The following PSD3 variants were observed in gnomAD, a reference collection of about 807,000 sequenced individuals.
The protein encoded by PSD3 is PH and SEC7 domain-containing protein 3.
PSD3 carries 49 observed loss-of-function variants against 105.5 expected under a neutral mutation model. The ratio of observed to expected loss-of-function variants is 0.46; its 90% CI spans 0.37 to 0.59. The LOEUF is 0.59. Among genes scored for constraint, PSD3 ranks in the 20% least tolerant of loss-of-function variants. The pLI, the probability that PSD3 is intolerant of heterozygous loss-of-function variation, is 0.00. For synonymous variants in PSD3, 557 were observed against 457.8 expected (o/e 1.22, Z -2.77); for missense variants, 1,561 against 1,263.8 (o/e 1.24, Z -3.57).
chr8:18,586,564 T>G (rs1359610760), intron 12 of PSD3, among the ~76,000 whole-genome samples: 2 of 151,924 alleles, frequency 1.3e-5, no homozygotes, highest in Non-Finnish European at 2.9e-5. Context: ...GGGTGGTTTG[T>G]GTATGTGTGT....
At chr8:18,962,136 C>T (rs1271317732) in intron 1 of PSD3, among the ~76,000 whole-genome samples, 1 of 151,940 alleles carries the variant, frequency 6.6e-6, no homozygotes, top group African/African-American at 2.4e-5. Flanking sequence ...ATCCCAGCTA[C>T]TTGGGAGGCT....
chr8:19,063,173 C>A (rs890892624), intron 1 of PSD3, among the ~76,000 whole-genome samples: 1 of 152,220 alleles, frequency 6.6e-6, no homozygotes, highest in African/African-American at 2.4e-5. Context: ...AGAGAAAACA[C>A]TGTAGTTTCT....
At chr8:18,808,856 A>T in intron 4 of PSD3, 1 of 1,604,598 alleles carries the variant, frequency 6.2e-7, no homozygotes, top group Middle Eastern at 1.7e-4. Context: ...TCAGCTCCCA[A>T]GTTCAGTGAC....
chr8:18,914,213 A>C (rs1217951327), intron 2 of PSD3, among the ~76,000 whole-genome samples: 3 of 151,378 alleles, frequency 2.0e-5, no homozygotes, highest in African/African-American at 7.3e-5. Flanking sequence ...AAAAAAAAAA[A>C]CACCTTTCAA....
chr8:19,055,546 C>T (rs748362668), intron 1 of PSD3, among the ~76,000 whole-genome samples: 11 of 152,212 alleles, frequency 7.2e-5, no homozygotes, highest in Non-Finnish European at 1.6e-4. Flanking sequence ...AGCCACCGTG[C>T]CCGGCCGATT....
chr8:18,825,286 G>T (rs1813084310), intron 4 of PSD3, among the ~76,000 whole-genome samples: 1 of 152,182 alleles, frequency 6.6e-6, no homozygotes, highest in South Asian at 2.1e-4. Context: ...TTTTAGAGTT[G>T]TCAGTTGTGA....
intron 8 of PSD3, among the ~76,000 whole-genome samples, chr8:18,797,217 T>C (rs948497903): frequency 9.2e-5 from 14 of 152,044 alleles, no homozygotes; most frequent in African/African-American, 3.1e-4. Flanking sequence ...AAATAGACAA[T>C]CCCAAGTATA....
chr8:18,819,069 C>T (rs990910443), intron 4 of PSD3, among the ~76,000 whole-genome samples: 1 of 51,308 alleles, frequency 1.9e-5, no homozygotes, highest in Non-Finnish European at 6.2e-5. Context: ...GAGAACTTCC[C>T]GGCAAGACTA....
chr8:18,987,527 T>C (rs988501549), intron 1 of PSD3, among the ~76,000 whole-genome samples: 2 of 151,878 alleles, frequency 1.3e-5, no homozygotes, highest in African/African-American at 4.8e-5. Context: ...GACCTCGTGA[T>C]CCACCCGCCT....
chr8:19,051,858 A>G (rs144293520), intron 1 of PSD3, among the ~76,000 whole-genome samples: 202 of 152,364 alleles, frequency 1.3e-3, no homozygotes, highest in Non-Finnish European at 2.0e-3. Context: ...AGTCTACAGG[A>G]GTAAGATCTC....
At chr8:18,656,037 C>T (rs1808867696) in intron 9 of PSD3, among the ~76,000 whole-genome samples, 1 of 152,084 alleles carries the variant, frequency 6.6e-6, no homozygotes, top group African/African-American at 2.4e-5. Context: ...CTCAGTTGGA[C>T]AGTGGAGTAC....
intron 2 of PSD3, among the ~76,000 whole-genome samples, chr8:18,919,735 T>C (rs566661114): frequency 3.2e-4 from 48 of 151,294 alleles, no homozygotes; most frequent in Admixed American, 8.6e-4. Context: ...TCATTCTCAG[T>C]AAACTATCGC....
At position 18,867,977 on chromosome 8, in the gene PSD3, T is replaced by C. The variant is rs189888746; in HGVS notation, c.1331A>G (p.Gln444Arg). 1.2e-3 allele frequency: 1,895 copies of C among 1,614,234 alleles called. 11 individuals are homozygous for C. Among genetic ancestry groups the C allele is most frequent in the Middle Eastern group, 7.6e-3 (46 of 6,062 alleles). ...AGTGTTGTCCAAAATGGTTTCAAAC[T>C]GGGAGCTGTACACGTCGGTGGAGTC... Reference protein sequence around the residue: ...TEDSTDVYSSQFETILDNTSL... With the variant: ...TEDSTDVYSSRFETILDNTSL... The change falls in exon 4 of 16, where the codon CAG (glutamine) becomes CGG (arginine). Residue 444 changes from glutamine to arginine, a missense_variant. Transcript: ENST00000327040.
intron 8 of PSD3, chr8:18,799,023 G>C (rs1810441200): frequency 5.9e-6 from 2 of 338,068 alleles, no homozygotes; most frequent in East Asian, 1.3e-4. Context: ...TAAAAGCTCT[G>C]TCTGCCATCT....
intron 9 of PSD3, among the ~76,000 whole-genome samples, chr8:18,666,321 G>A (rs1343571499): frequency 1.3e-5 from 2 of 152,226 alleles, no homozygotes; most frequent in Non-Finnish European, 1.5e-5. Flanking sequence ...AAAGTTCTGT[G>A]ATTAAAGGCG....
intron 4 of PSD3, among the ~76,000 whole-genome samples, chr8:18,846,451 A>T (rs556637063): frequency 1.3e-5 from 2 of 152,294 alleles, no homozygotes; most frequent in African/African-American, 4.8e-5. Flanking sequence ...CTGCAGGGAA[A>T]CATGTTCCTT....
chr8:18,797,997 C>T (rs1189244073), intron 8 of PSD3, among the ~76,000 whole-genome samples: 1 of 152,160 alleles, frequency 6.6e-6, no homozygotes, highest in Non-Finnish European at 1.5e-5. Context: ...CAACTGTTAT[C>T]ACCAAACAGC....
intron 1 of PSD3, among the ~76,000 whole-genome samples, chr8:19,040,452 T>C (rs1240782495): frequency 1.3e-5 from 2 of 152,166 alleles, no homozygotes; most frequent in East Asian, 1.9e-4. Flanking sequence ...GTGATCCACA[T>C]GCCTCTGCCT....
At position 18,716,877 on chromosome 8, in the gene PSD3, C is replaced by T. The variant is rs139072812; in HGVS notation, c.2172+48572G>A. Reference sequence around the variant, plus strand: ...TCAATCTATAACTCCCTCACGGATACAGCACATGTGTGAGCATGATCATCT... The same window carrying T: ...TCAATCTATAACTCCCTCACGGATATAGCACATGTGTGAGCATGATCATCT... On this transcript the variant is annotated intron_variant, in intron 9 of 15. Coordinates refer to ENST00000327040, the MANE Select transcript of PSD3 (RefSeq NM_015310.4). Among the ~76,000 whole-genome samples, 87 of 152,300 alleles carry T rather than the reference C, an allele frequency of 5.7e-4. 2 individuals carry two copies. In the East Asian group the frequency reaches 8.9e-3, roughly 16 times the overall value.
Sources: allele counts gnomAD v4.1 joint callset (sites outside exome capture counted in the v4.1 genomes callset), GRCh38; gene constraint gnomAD v4.1.1; transcripts MANE v1.5; gene names NCBI Gene and HGNC (gene_info 2026-07-23, HGNC 2026-07-21).